ETS2: variants seen among roughly 807,000 people sequenced by gnomAD.
ETS2 encodes the protein ETS proto-oncogene 2, transcription factor.
A neutral mutation model predicts 54.9 loss-of-function variants in ETS2; 19 were observed. The observed-to-expected ratio is 0.35, with a 90% CI of 0.24 to 0.51. ETS2 has a LOEUF of 0.51. Ranked by LOEUF, ETS2 falls within the 20% of genes least tolerant of loss-of-function variation. ETS2 has a pLI of 0.97. For missense variants in ETS2, 417 were observed against 593.0 expected, an observed-to-expected ratio of 0.70 and a Z score of 3.08; for synonymous variants, 219 against 229.3, an observed-to-expected ratio of 0.95 and a Z score of 0.41.
Position 38,806,217 on chromosome 21 carries a change from G to C in ETS2, c.-1+97G>C. On this transcript the variant is annotated intron_variant, in intron 1 of 9. Coordinates refer to ENST00000360938, the MANE Select transcript of ETS2 (RefSeq NM_005239.6). The surrounding 1 kb of genome is among the most constrained non-coding windows in gnomAD (Gnocchi z 4.3). Reference sequence around the variant, plus strand: ...CGGGGGTCGCGGGGGGCACTGACACGCAGATCTCGGGGCGCTGCCGGGGGT... The same window carrying C: ...CGGGGGTCGCGGGGGGCACTGACACCCAGATCTCGGGGCGCTGCCGGGGGT... The C allele has an allele frequency of 1.0e-6, 1 of 990,846 alleles. No individual in the cohort carries two copies. Among genetic ancestry groups the C allele is most frequent in the Non-Finnish European group, 1.2e-6 (1 of 833,640 alleles). The allele number at this position is 990,846 out of a possible 1,614,324, so 61.4% of individuals were successfully genotyped here.
intron 2 of ETS2, among the ~76,000 whole-genome samples, chr21:38,811,424 C>A (rs1277590551): frequency 6.6e-6 from 1 of 152,134 alleles, no homozygotes; most frequent in Non-Finnish European, 1.5e-5. Context: ...CCTCTGCCTG[C>A]CCTCTTTTGT....
intron 5 of ETS2, among the ~76,000 whole-genome samples, chr21:38,816,030 G>A (rs1601428863): frequency 9.3e-3 from 1 of 108 alleles, no homozygotes; most frequent in African/African-American, 0.071. Context: ...AGGGAAGGAA[G>A]GAAGGAAAGA....
In ETS2 at chr21:38,821,564, G is replaced by A. The variant is rs117862776; in HGVS notation, c.1076-22G>A. 1,494 of 1,506,412 alleles carry A rather than the reference G, an allele frequency of 9.9e-4. 15 individuals are homozygous for A. In the East Asian group the frequency reaches 0.026, roughly 26 times the overall value. 93.3% of individuals were successfully genotyped at this position (1,506,412 alleles called of 1,614,324 possible). The stretch of plus-strand genomic sequence containing the variant: ...TTACATCTGTGAAAGGGTATGATCC[G>A]TCTCCCTCCCTCTCCCCGCAGGAAG... On this transcript the variant is annotated intron_variant, in intron 8 of 9. Transcript: ENST00000360938. This position sits in a 1 kb window ranked among gnomAD's most constrained non-coding sequence, Gnocchi z 4.2.
chr21:38,818,478 G>C lies in ETS2; in HGVS notation c.643G>C (p.Gly215Arg), dbSNP rs1283977667. 4 of 1,614,080 alleles carry C rather than the reference G, an allele frequency of 2.5e-6. 1 individual carries two copies. Among genetic ancestry groups the C allele is most frequent in the Middle Eastern group, 3.3e-4 (2 of 6,084 alleles). The change falls in exon 7 of 10, where the codon GGC (glycine) becomes CGC (arginine). Residue 215 changes from glycine to arginine, a missense_variant. By Grantham distance (125) the Gly-to-Arg change is moderately radical. Transcript: ENST00000360938. ...YGMQTQNYPKGGLLDSMCPAS... is the reference protein window; with the variant it reads ...YGMQTQNYPKRGLLDSMCPAS... ...AATGCAGACACAGAATTACCCCAAA[G>C]GCGGCCTCCTGGACAGCATGTGTCC...
rs949446047 is a variant in ETS2, at chr21:38,809,924, A to C, written c.1-111A>C. On this transcript the variant is annotated intron_variant, in intron 1 of 9. Transcript: ENST00000360938. ...CAAGAATTCCCTGCATTCACTTTTG[A>C]ATTACCTGTTAGCTGTAGAACTCAG... 27 of 657,294 alleles carry C rather than the reference A, an allele frequency of 4.1e-5. No individual in the cohort carries two copies. The African/African-American group carries it at 5.3e-4, about 13-fold the overall frequency. 40.7% of individuals were successfully genotyped at this position (657,294 alleles called of 1,614,324 possible). A position where few individuals can be genotyped will look rare whatever the true frequency, so the allele number is the denominator to read the frequency against.
At chr21:38,812,009 C>T (rs2060915615) in intron 2 of ETS2, among the ~76,000 whole-genome samples, 3 of 152,124 alleles carry the variant, frequency 2.0e-5, no homozygotes, top group Admixed American at 2.0e-4. Context: ...AGCCACCCCG[C>T]CTGGCCTGGG....
At chr21:38,807,063 C>A (rs1181704182) in intron 1 of ETS2, among the ~76,000 whole-genome samples, 1 of 152,126 alleles carries the variant, frequency 6.6e-6, no homozygotes, top group African/African-American at 2.4e-5. Flanking sequence ...TCTGCCTGCC[C>A]ACACCACCAC....
intron 7 of ETS2, 89 bp downstream of exon 7, chr21:38,818,735 GATTCAGCC>G: frequency 6.9e-7 from 1 of 1,454,870 alleles, no homozygotes; most frequent in Non-Finnish European, 9.5e-7. Flanking sequence ...ATACTTCCTG[GATTCAGCC>G]ATTAGAGAAG....
At chr21:38,805,772 TC>T, upstream of ETS2, 8 of 704,316 alleles carry the variant, frequency 1.1e-5, no homozygotes, top group South Asian at 1.6e-4. This position sits in a 1 kb window ranked among gnomAD's most constrained non-coding sequence, Gnocchi z 5.2. Context: ...CCTGCCTACC[TC>T]CCTTCCCCTC....
intron 2 of ETS2, among the ~76,000 whole-genome samples, chr21:38,810,516 C>T (rs1331560194): frequency 1.3e-5 from 2 of 152,192 alleles, no homozygotes; most frequent in Non-Finnish European, 2.9e-5. Flanking sequence ...CGCTACAGCT[C>T]CTATCAGAAA....
At position 38,814,261 on chromosome 21, in the gene ETS2, G is replaced by C; in HGVS notation, c.185-12G>C. On this transcript the variant is annotated splice_polypyrimidine_tract_variant and intron_variant, in intron 3 of 9. Coordinates refer to ENST00000360938, the MANE Select transcript of ETS2 (RefSeq NM_005239.6). This position sits in a 1 kb window ranked among gnomAD's most constrained non-coding sequence, Gnocchi z 4.2. ...TGAAGTCCTAATGTCCCCATGGGGGGTTTCCTTCCAGACTCCGCCAACTGT... is the reference window on the plus strand; with the variant it reads ...TGAAGTCCTAATGTCCCCATGGGGGCTTTCCTTCCAGACTCCGCCAACTGT... 3 of 1,613,760 alleles carry C rather than the reference G, an allele frequency of 1.9e-6. No individual in the cohort carries two copies. Among genetic ancestry groups the C allele is most frequent in the Non-Finnish European group, 2.5e-6 (3 of 1,179,844 alleles).
At position 38,814,528 on chromosome 21, in the gene ETS2, A is replaced by G. The variant is rs1387611326; in HGVS notation, c.304+136A>G. 1.1e-5 allele frequency: 12 copies of G among 1,125,608 alleles called. No individual in the cohort carries two copies. Among genetic ancestry groups the G allele is most frequent in the Non-Finnish European group, 1.5e-5 (12 of 797,670 alleles). 69.7% of individuals were successfully genotyped at this position (1,125,608 alleles called of 1,614,324 possible). On this transcript the variant is annotated intron_variant, in intron 4 of 9. Transcript: ENST00000360938. The surrounding 1 kb of genome is among the most constrained non-coding windows in gnomAD (Gnocchi z 4.2). ...AGCATGGATGTCGTTAACCTGAGCC[A>G]GTTTCTGTTTCACCCCAATCAACCC...
intron 5 of ETS2, among the ~76,000 whole-genome samples, chr21:38,815,746 T>G (rs1034393283): frequency 6.6e-6 from 1 of 151,028 alleles, no homozygotes; most frequent in African/African-American, 2.4e-5. Context: ...GCCTAGCCAA[T>G]ATGGTGAAAC....
intron 1 of ETS2, among the ~76,000 whole-genome samples, chr21:38,807,754 A>G (rs1344049330): frequency 2.0e-5 from 3 of 152,218 alleles, no homozygotes; most frequent in Non-Finnish European, 4.4e-5. Context: ...TGCCTTCCAC[A>G]TTCATTCTCT....
intron 2 of ETS2, among the ~76,000 whole-genome samples, chr21:38,811,737 C>G (rs2060914688): frequency 6.6e-6 from 1 of 152,194 alleles, no homozygotes; most frequent in African/African-American, 2.4e-5. Flanking sequence ...TTTTATCTTT[C>G]TGTGTGTCTC....
Position 38,814,899 on chromosome 21 carries a change from C to G in ETS2, c.423C>G (p.Asn141Lys). The G allele has an allele frequency of 6.2e-7, 1 of 1,614,202 alleles. No individual in the cohort carries two copies. Residue 141 changes from asparagine to lysine, a missense_variant, in exon 5 of 10, where the codon AAC (asparagine) becomes AAG (lysine). Around this residue, in one of 3 missense-constraint regions of ETS2, gnomAD observed 326 missense variants for 426.1 expected, o/e 0.76. Coordinates refer to ENST00000360938, the MANE Select transcript of ETS2 (RefSeq NM_005239.6). The surrounding 1 kb of genome is among the most constrained non-coding windows in gnomAD (Gnocchi z 4.2). ...GCATGAATGGCCAGATGCTGTGTAA[C>G]CTTGGCAAGGAACGCTTTCTGGAGC... Reference protein sequence around the residue: ...RFGMNGQMLCNLGKERFLELA... With the variant: ...RFGMNGQMLCKLGKERFLELA...
chr21:38,823,939 G>A lies in ETS2; in HGVS notation c.*1050G>A, dbSNP rs954919916. 6.6e-6 allele frequency: 1 copy of A among 152,480 alleles called. No homozygotes were observed. The highest frequency in any genetic ancestry group is 2.4e-5 in the African/African-American group (1 of 41,394). The allele number at this position is 152,480 out of a possible 1,614,324, so 9.4% of individuals were successfully genotyped here. On this transcript the variant is annotated 3_prime_UTR_variant, in exon 10 of 10. Coordinates refer to ENST00000360938, the MANE Select transcript of ETS2 (RefSeq NM_005239.6). Reference sequence around the variant, plus strand: ...CAGCCATTTCCTTCCTGTGCTCCACGTTCTTCTGTGTGATTAAAATAAGAA... The same window carrying A: ...CAGCCATTTCCTTCCTGTGCTCCACATTCTTCTGTGTGATTAAAATAAGAA...
chr21:38,805,361 A>G (rs998427573), upstream of ETS2: 1 of 1,288,756 alleles, frequency 7.8e-7, no homozygotes, highest in Non-Finnish European at 1.0e-6. This position sits in a 1 kb window ranked among gnomAD's most constrained non-coding sequence, Gnocchi z 5.2. Flanking sequence ...GGTCGGCTCA[A>G]TTTCAGGGCC....
intron 6 of ETS2, among the ~76,000 whole-genome samples, chr21:38,817,485 A>C (rs1466132855): frequency 6.6e-6 from 1 of 152,238 alleles, no homozygotes; most frequent in African/African-American, 2.4e-5. Flanking sequence ...GGCTCACACG[A>C]TCTTCCATAG....
Sources: gnomAD v4.1 joint callset for allele counts (sites outside exome capture counted in the v4.1 genomes callset) on GRCh38, gnomAD v4.1.1 for gene constraint, gnomAD v4.1.1 regional missense constraint, Gnocchi (gnomAD v3.1) non-coding constraint, MANE v1.5 for transcripts, NCBI Gene and HGNC (gene_info 2026-07-23, HGNC 2026-07-21) for gene names.